Variants in EYA2 observed in about 807,000 individuals in gnomAD.
EYA2 encodes the protein EYA transcriptional coactivator and phosphatase 2.
EYA2 carries 31 observed loss-of-function variants against 69.2 expected under a neutral mutation model. The observed-to-expected ratio is 0.45, with a 90% CI of 0.34 to 0.60. The LOEUF (loss-of-function observed/expected upper bound fraction) is 0.60. EYA2 is among the 20% of genes least tolerant of loss of function. The pLI is 0.02. For missense variants in EYA2, 622 were observed against 701.2 expected (o/e 0.89, Z 1.28); for synonymous variants, 257 against 279.4 (o/e 0.92, Z 0.80).
rs182771467 is a variant in EYA2 at position 47,186,385 on chromosome 20, G to T, written c.1537-1668G>T. Among the ~76,000 whole-genome samples the T allele has an allele frequency of 6.6e-3, 642 of 96,678 alleles. 22 individuals carry two copies. The East Asian group carries it at 0.11, about 16-fold the overall frequency. 63.4% of individuals were successfully genotyped at this position (96,678 alleles called of 152,430 possible). ...TTTTTTTTTTTTTTTTTGAGATGAA[G>T]TTTCACTCTTGTTGCCCAGGTTGGA... is the stretch of plus-strand genomic sequence containing the variant. On this transcript the variant is annotated intron_variant, in intron 15 of 15. Transcript: ENST00000327619.
At chr20:46,931,399 C>T (rs1333294) in intron 1 of EYA2, among the ~76,000 whole-genome samples, 4 of 152,120 alleles carry the variant, frequency 2.6e-5, no homozygotes, top group African/African-American at 9.7e-5. Context: ...TTTTTAAGTA[C>T]GCTGGCGACA....
At chr20:47,169,101 T>TTCTC (rs35639959) in intron 10 of EYA2, 38 bp from the exon 11 acceptor site, 516 of 1,483,676 alleles carry the variant, frequency 3.5e-4, no homozygotes, top group African/African-American at 1.9e-3. Flanking sequence ...ACCAGGCATG[T>TTCTC]TCTCTCTCTC....
chr20:46,987,915 A>ACACTCT (rs1981336702), intron 1 of EYA2, among the ~76,000 whole-genome samples: 1 of 9,392 alleles, frequency 1.1e-4, no homozygotes, highest in Non-Finnish European at 3.7e-4. Context: ...AGACAGAGTA[A>ACACTCT]GTCTCTCTCT....
chr20:47,119,399 CA>C (rs1237412016), intron 9 of EYA2, among the ~76,000 whole-genome samples: 1 of 152,114 alleles, frequency 6.6e-6, no homozygotes, highest in Admixed American at 6.6e-5. Context: ...GGGCCTAATT[CA>C]AAGCAGAAAT....
intron 1 of EYA2, among the ~76,000 whole-genome samples, chr20:46,987,090 T>C (rs1441900038): frequency 6.6e-6 from 1 of 152,226 alleles, no homozygotes; most frequent in African/African-American, 2.4e-5. Flanking sequence ...AGCATCCTGC[T>C]TAACTGATAC....
chr20:47,139,016 C>T (rs2033538275), intron 9 of EYA2, among the ~76,000 whole-genome samples: 1 of 152,164 alleles, frequency 6.6e-6, no homozygotes, highest in Non-Finnish European at 1.5e-5. Context: ...TTTGATGTGT[C>T]CCTGTTAATA....
intron 2 of EYA2, among the ~76,000 whole-genome samples, chr20:47,000,859 C>A (rs1043025260): frequency 1.3e-5 from 2 of 152,098 alleles, no homozygotes; most frequent in Non-Finnish European, 2.9e-5. Flanking sequence ...GGGCCAGCTG[C>A]ACCTGCACTC....
At chr20:46,939,865 C>A (rs1986080309) in intron 1 of EYA2, among the ~76,000 whole-genome samples, 1 of 152,100 alleles carries the variant, frequency 6.6e-6, no homozygotes, top group Non-Finnish European at 1.5e-5. Context: ...GTCATTTAAC[C>A]TCTCTAAGCC....
intron 7 of EYA2, among the ~76,000 whole-genome samples, chr20:47,086,793 T>C (rs894155693): frequency 6.6e-5 from 10 of 151,560 alleles, no homozygotes; most frequent in Non-Finnish European, 1.5e-4. Context: ...CCTGGGTTTT[T>C]CTGTTTGTTT....
intron 5 of EYA2, among the ~76,000 whole-genome samples, chr20:47,023,589 C>T (rs575791307): frequency 2.7e-5 from 4 of 150,616 alleles, no homozygotes; most frequent in Non-Finnish European, 5.9e-5. Context: ...TGTCATTTTT[C>T]ATCCCATACA....
chr20:47,013,673 G>A (rs139083267), intron 4 of EYA2, among the ~76,000 whole-genome samples: 6 of 152,296 alleles, frequency 3.9e-5, no homozygotes, highest in African/African-American at 1.4e-4. Context: ...GGCAGAGGGA[G>A]CGAAGGAGCC....
chr20:47,083,801 A>G (rs536587954), intron 7 of EYA2, among the ~76,000 whole-genome samples: 1 of 152,366 alleles, frequency 6.6e-6, no homozygotes, highest in Non-Finnish European at 1.5e-5. Context: ...ACTGGACTTC[A>G]TACAAATTTA....
At chr20:47,063,882 T>G (rs76702129) in intron 5 of EYA2, among the ~76,000 whole-genome samples, 388 of 152,362 alleles carry the variant, frequency 2.5e-3, no homozygotes, top group African/African-American at 9.1e-3. Flanking sequence ...CTTCATTCTT[T>G]CATTGCTTTG....
At chr20:47,165,780 C>A (rs1265008430) in intron 10 of EYA2, among the ~76,000 whole-genome samples, 1 of 152,166 alleles carries the variant, frequency 6.6e-6, no homozygotes, top group East Asian at 1.9e-4. Flanking sequence ...CCACACTACC[C>A]CCTTGCCAAC....
At chr20:46,900,101 G>A (rs1347435025) in intron 1 of EYA2, among the ~76,000 whole-genome samples, 2 of 151,840 alleles carry the variant, frequency 1.3e-5, no homozygotes, top group Non-Finnish European at 2.9e-5. Flanking sequence ...TTTTCCTTTT[G>A]AGTATCTAGT....
intron 6 of EYA2, among the ~76,000 whole-genome samples, chr20:47,073,362 C>G (rs1345500401): frequency 6.6e-6 from 1 of 152,086 alleles, no homozygotes; most frequent in African/African-American, 2.4e-5. Context: ...ATAGAATATT[C>G]TGGACCCCTA....
intron 5 of EYA2, among the ~76,000 whole-genome samples, chr20:47,054,506 G>A (rs1278451969): frequency 6.6e-6 from 1 of 152,250 alleles, no homozygotes; most frequent in Non-Finnish European, 1.5e-5. Flanking sequence ...AGCATGTGTG[G>A]GGGGCTGCTT....
chr20:46,961,715 C>G (rs1979488956), intron 1 of EYA2, among the ~76,000 whole-genome samples: 1 of 152,202 alleles, frequency 6.6e-6, no homozygotes, highest in Non-Finnish European at 1.5e-5. Context: ...TCCTGCCATT[C>G]TCAGCAACAT....
At chr20:46,911,404 C>T (rs898131777) in intron 1 of EYA2, among the ~76,000 whole-genome samples, 17 of 152,196 alleles carry the variant, frequency 1.1e-4, no homozygotes, top group African/African-American at 4.1e-4. Context: ...AGCTGTTCTT[C>T]TGCATGGCAC....
Sources: allele counts gnomAD v4.1 joint callset (sites outside exome capture counted in the v4.1 genomes callset), GRCh38; gene constraint gnomAD v4.1.1; transcripts MANE v1.5; gene names NCBI Gene and HGNC (gene_info 2026-07-23, HGNC 2026-07-21).